ARMCX4: variants seen among roughly 807,000 people sequenced by gnomAD.
ARMCX4 encodes the protein armadillo repeat containing X-linked 4.
In ARMCX4, 3 loss-of-function variants were observed where a neutral mutation model predicts 34.7. The ratio of observed to expected loss-of-function variants is 0.09; its 90% CI spans 0.04 to 0.22. The LOEUF is 0.22. Among genes scored for constraint, ARMCX4 ranks in the 10% least tolerant of loss-of-function variants. The pLI, the probability that ARMCX4 is intolerant of heterozygous loss-of-function variation, is 1.00. For missense variants in ARMCX4, 1,448 were observed against 1,720.8 expected, an observed-to-expected ratio of 0.84 and a Z score of 2.81; for synonymous variants, 513 against 632.8, an observed-to-expected ratio of 0.81 and a Z score of 2.84.
chrX:101,531,203 C>T (rs1435521174), intron 11 of ARMCX4, among the ~76,000 whole-genome samples: 3 of 111,754 alleles, frequency 2.7e-5, no homozygotes, highest in Non-Finnish European at 3.8e-5. Context: ...TACAAGGACG[C>T]TGTGATTACA....
At chrX:101,517,842 G>A in intron 11 of ARMCX4, among the ~76,000 whole-genome samples, 1 of 110,212 alleles carries the variant, frequency 9.1e-6, no homozygotes, top group South Asian at 3.8e-4. Context: ...TCTACTCAAG[G>A]TTTGTAAAAA....
At chrX:101,463,810 C>T (rs1603170749) in intron 4 of ARMCX4, among the ~76,000 whole-genome samples, 1 of 110,682 alleles carries the variant, frequency 9.0e-6, no homozygotes. Flanking sequence ...TGCAGAGTGG[C>T]GTGATCTTGC....
chrX:101,494,202 T>C lies in ARMCX4; in HGVS notation c.5613T>C (p.Ala1871=). 8.7e-7 allele frequency: 1 copy of C among 1,150,483 alleles called. No individual in the cohort carries two copies. The highest frequency in any genetic ancestry group is 1.1e-6 in the Non-Finnish European group (1 of 869,865). 94.8% of individuals were successfully genotyped at this position (1,150,483 alleles called of 1,213,427 possible). ...VESRLGAGEE[A]GVESWTLARN... is the part of the protein sequence containing the mutation. ...CTAGGCTTGGGGCTGGGGAAGAGGCTGGTGTAGAGTCCTGGACCTTGGCTA... is the reference window on the plus strand; with the variant it reads ...CTAGGCTTGGGGCTGGGGAAGAGGCCGGTGTAGAGTCCTGGACCTTGGCTA... The change falls in exon 6 of 6, where the codon GCT becomes GCC. Residue 1871 remains alanine, a synonymous_variant. Transcript: ENST00000423738.
downstream of ARMCX4, among the ~76,000 whole-genome samples, chrX:101,534,418 C>T (rs1438757956): frequency 9.0e-6 from 1 of 110,527 alleles, no homozygotes; most frequent in Non-Finnish European, 1.9e-5. Flanking sequence ...TGTGAACAGG[C>T]AGGTAATGAT....
Position 101,422,810 on chromosome X carries a change from G to A in ARMCX4, n.164+3810G>A, listed in dbSNP as rs781908454. Among the ~76,000 whole-genome samples, 10 of 111,466 alleles carry A rather than the reference G, an allele frequency of 9.0e-5. No individual in the cohort carries two copies. The East Asian group carries it at 1.4e-3, about 16-fold the overall frequency. ...TAAAGGTTAGAAGCAAGGTGGAGTC[G>A]GTTAGGTCTGATTTCTTTCACTGTC... On this transcript the variant is annotated intron_variant and non_coding_transcript_variant, in intron 2 of 3. Coordinates refer to the ARMCX4 transcript ENST00000430461.
rs782460356 is a variant in ARMCX4 at position 101,501,625 on chromosome X, G to A, written c.*1177+2259G>A. On this transcript the variant is annotated intron_variant and NMD_transcript_variant, in intron 7 of 12. Transcript: ENST00000354842. ...GCAGTAGCAGCAGTTCTGCTGGCTAGCTATATTTATACCCACTCATAATTA... is the reference window on the plus strand; with the variant it reads ...GCAGTAGCAGCAGTTCTGCTGGCTAACTATATTTATACCCACTCATAATTA... Among the ~76,000 whole-genome samples the A allele has an allele frequency of 3.6e-5, 4 of 112,313 alleles. No individual in the cohort carries two copies. The Admixed American group carries it at 3.8e-4, about 11-fold the overall frequency.
Position 101,429,332 on chromosome X carries a change from C to CTT in ARMCX4, n.164+10351_164+10352dup, listed in dbSNP as rs151320609. 4.8e-4 allele frequency among the ~76,000 whole-genome samples: 31 copies of CTT among 64,129 alleles called. 1 individual carries two copies. The East Asian group carries it at 5.2e-3, about 11-fold the overall frequency. The allele number at this position is 64,129 out of a possible 115,157, so 55.7% of individuals were successfully genotyped here. ...TAATAATGCCTACCTCCTAGATTGT[C>CTT]TTTTTTTTTTTTTTTTTTTTGAGGT... On this transcript the variant is annotated intron_variant and non_coding_transcript_variant, in intron 2 of 3. Coordinates refer to the ARMCX4 transcript ENST00000430461.
chrX:101,499,830 A>G (rs925204565), downstream of ARMCX4, among the ~76,000 whole-genome samples: 3 of 111,898 alleles, frequency 2.7e-5, no homozygotes, highest in South Asian at 1.1e-3. Flanking sequence ...GCAGCCAACA[A>G]TCTGCACTCT....
downstream of ARMCX4, among the ~76,000 whole-genome samples, chrX:101,497,518 C>T (rs1005392672): frequency 4.5e-5 from 5 of 111,656 alleles, no homozygotes; most frequent in East Asian, 2.8e-4. Context: ...GGATTACAGG[C>T]GTGAGCCACC....
intron 2 of ARMCX4, among the ~76,000 whole-genome samples, chrX:101,441,206 C>A (rs1443668343): frequency 2.7e-5 from 3 of 111,084 alleles, no homozygotes; most frequent in African/African-American, 9.8e-5. Context: ...ATGCTCTCAA[C>A]AATATTGTGA....
At chrX:101,515,414 TCTTCCTTCCTTCCTTCCTTCCTTC>T (rs1159233873) in intron 11 of ARMCX4, among the ~76,000 whole-genome samples, 1 of 12,323 alleles carries the variant, frequency 8.1e-5, no homozygotes, top group East Asian at 2.9e-3. Context: ...TCCCTCCCTC[TCTTCCTTCCTTCCTTCCTTCCTTC>T]CTTCCTTCCT....
At chrX:101,534,167 C>A (rs1261608464), downstream of ARMCX4, among the ~76,000 whole-genome samples, 1 of 111,516 alleles carries the variant, frequency 9.0e-6, no homozygotes, top group East Asian at 2.8e-4. Context: ...GGATTGATAA[C>A]CTACAGTGTG....
At chrX:101,433,045 C>T (rs782566811) in intron 2 of ARMCX4, among the ~76,000 whole-genome samples, 90 of 106,889 alleles carry the variant, frequency 8.4e-4, no homozygotes, top group Non-Finnish European at 7.1e-4. Flanking sequence ...TATATACACA[C>T]ATATGTATAC....
intron 4 of ARMCX4, among the ~76,000 whole-genome samples, chrX:101,459,270 G>T (rs1411977834): frequency 8.9e-6 from 1 of 111,881 alleles, no homozygotes; most frequent in African/African-American, 3.2e-5. Context: ...GGGTTTGAAC[G>T]ACTACCTTCA....
chrX:101,471,318 T>C (rs1176950183), intron 4 of ARMCX4, among the ~76,000 whole-genome samples: 1 of 112,222 alleles, frequency 8.9e-6, no homozygotes, highest in East Asian at 2.8e-4. Flanking sequence ...CTTTCTCTTT[T>C]ATTATTTCAA....
chrX:101,507,413 C>G (rs1177613252), intron 8 of ARMCX4, among the ~76,000 whole-genome samples: 1 of 111,660 alleles, frequency 9.0e-6, no homozygotes, highest in Non-Finnish European at 1.9e-5. Context: ...TAGTAATTGG[C>G]ATCTATTATA....
At chrX:101,506,578 A>G (rs1466259927) in intron 8 of ARMCX4, among the ~76,000 whole-genome samples, 3 of 111,029 alleles carry the variant, frequency 2.7e-5, no homozygotes, top group Non-Finnish European at 5.7e-5. Context: ...AAGGATACTA[A>G]TCCTACAAAA....
chrX:101,449,144 G>C (rs1267739892), downstream of ARMCX4, among the ~76,000 whole-genome samples: 3 of 109,001 alleles, frequency 2.8e-5, no homozygotes, highest in East Asian at 2.9e-4. Context: ...GACCTCAAGC[G>C]ATCTGCCCGC....
chrX:101,474,289 A>ATTGGTCTATT (rs1933064036), intron 4 of ARMCX4, among the ~76,000 whole-genome samples: 1 of 97,284 alleles, frequency 1.0e-5, no homozygotes, highest in Non-Finnish European at 2.1e-5. Flanking sequence ...TAGACCAATA[A>ATTGGTCTATT]CAGGAGCTGA....
Sources: allele counts gnomAD v4.1 joint callset (sites outside exome capture counted in the v4.1 genomes callset), GRCh38; gene constraint gnomAD v4.1.1; transcripts MANE v1.5; gene names NCBI Gene and HGNC (gene_info 2026-07-23, HGNC 2026-07-21).